Variants in KALRN observed in about 807,000 individuals in gnomAD.
KALRN encodes kalirin.
KALRN carries 70 observed loss-of-function variants against 353.7 expected under a neutral mutation model. The observed-to-expected ratio is 0.20, with a 90% confidence interval of 0.16 to 0.24. The LOEUF (loss-of-function observed/expected upper bound fraction) is 0.24, where lower values mean the gene tolerates loss of function less well. KALRN is among the 10% of genes least tolerant of loss of function. KALRN has a pLI of 1.00. For synonymous variants in KALRN, 1,391 were observed against 1,434.8 expected (o/e 0.97, Z 0.69); for missense variants, 2,791 against 3,756.7 (o/e 0.74, Z 6.72).
chr3:124,233,983 A>G (rs1009956644), intron 2 of KALRN, among the ~76,000 whole-genome samples: 1 of 152,240 alleles, frequency 6.6e-6, no homozygotes, highest in Non-Finnish European at 1.5e-5. Context: ...TAATGAATAC[A>G]TTTTAAAATC....
In KALRN at chr3:124,722,807, A is replaced by C. The variant is rs899631759; in HGVS notation, c.*3337A>C. The C allele has an allele frequency of 6.6e-6, 1 of 152,176 alleles. No individual in the cohort carries two copies. Among genetic ancestry groups the C allele is most frequent in the Non-Finnish European group, 1.5e-5 (1 of 68,034 alleles). The allele number at this position is 152,176 out of a possible 1,614,324, so 9.4% of individuals were successfully genotyped here. A position where few individuals can be genotyped will look rare whatever the true frequency, so the allele number is the denominator to read the frequency against. On this transcript the variant is annotated 3_prime_UTR_variant, in exon 60 of 60. Transcript: ENST00000682506. ...AGTGAACTTTCAGCTGAAATGGGAAAAACAAACAATGGTCAAGGTCACAAG... is the reference window on the plus strand; with the variant it reads ...AGTGAACTTTCAGCTGAAATGGGAACAACAAACAATGGTCAAGGTCACAAG...
intron 57 of KALRN, among the ~76,000 whole-genome samples, chr3:124,711,923 A>G (rs1347062681): frequency 1.3e-5 from 2 of 152,202 alleles, no homozygotes; most frequent in East Asian, 3.8e-4. Flanking sequence ...GAAAGTTTCC[A>G]TAATAAGAAG....
chr3:124,698,160 G>T (rs2062144995), intron 55 of KALRN, among the ~76,000 whole-genome samples: 1 of 152,062 alleles, frequency 6.6e-6, no homozygotes, highest in Non-Finnish European at 1.5e-5. Context: ...GTAGAGACAG[G>T]GTCTCACTAT....
intron 11 of KALRN, among the ~76,000 whole-genome samples, chr3:124,391,590 A>G (rs998914067): frequency 6.6e-6 from 1 of 152,234 alleles, no homozygotes; most frequent in Non-Finnish European, 1.5e-5. Context: ...TCGGAGGGAC[A>G]TACATAGAGG....
At chr3:124,468,603 T>C (rs1416633256) in intron 25 of KALRN, among the ~76,000 whole-genome samples, 1 of 152,214 alleles carries the variant, frequency 6.6e-6, no homozygotes, top group African/African-American at 2.4e-5. Flanking sequence ...ATCATAGAAT[T>C]ATCAAATATA....
At chr3:124,291,393 A>G (rs948485760) in intron 5 of KALRN, among the ~76,000 whole-genome samples, 3 of 152,134 alleles carry the variant, frequency 2.0e-5, no homozygotes, top group Admixed American at 6.5e-5. Context: ...TTTTTTTACC[A>G]TAAGAAACAT....
chr3:124,499,652 T>C (rs2064290392), intron 33 of KALRN, among the ~76,000 whole-genome samples: 2 of 152,230 alleles, frequency 1.3e-5, no homozygotes, highest in South Asian at 4.1e-4. Context: ...AACTTTACTC[T>C]CTTTTCCATC....
intron 25 of KALRN, among the ~76,000 whole-genome samples, chr3:124,469,913 A>G (rs2060720836): frequency 6.6e-6 from 1 of 152,252 alleles, no homozygotes; most frequent in African/African-American, 2.4e-5. Flanking sequence ...ATTTTAGACC[A>G]AATTCATCTT....
intron 18 of KALRN, among the ~76,000 whole-genome samples, chr3:124,439,625 CTATT>C (rs2093609462): frequency 6.6e-6 from 1 of 152,070 alleles, no homozygotes; most frequent in African/African-American, 2.4e-5. Flanking sequence ...TTTGGATGCC[CTATT>C]TATTTATCAA....
chr3:124,180,430 C>G (rs982029135), intron 1 of KALRN, among the ~76,000 whole-genome samples: 2 of 152,138 alleles, frequency 1.3e-5, no homozygotes, highest in Non-Finnish European at 2.9e-5. Context: ...ATAAGCGACT[C>G]CTCTCCCTCT....
intron 1 of KALRN, among the ~76,000 whole-genome samples, chr3:124,177,990 C>T (rs2073021140): frequency 6.6e-6 from 1 of 152,140 alleles, no homozygotes; most frequent in African/African-American, 2.4e-5. Flanking sequence ...GCCACCTGGG[C>T]TGCTCTTTCA....
chr3:124,328,209 G>A (rs775552517), intron 7 of KALRN, among the ~76,000 whole-genome samples: 43 of 152,238 alleles, frequency 2.8e-4, no homozygotes, highest in African/African-American at 9.9e-4. Context: ...TTTTGTCGCC[G>A]TTGTTAAGGT....
At chr3:124,122,521 C>T (rs1394019713) in intron 1 of KALRN, among the ~76,000 whole-genome samples, 2 of 152,226 alleles carry the variant, frequency 1.3e-5, no homozygotes, top group African/African-American at 4.8e-5. Context: ...TATCCAATAG[C>T]ATGTGCTCAC....
At chr3:124,400,617 T>C (rs1180827070) in intron 13 of KALRN, among the ~76,000 whole-genome samples, 1 of 152,192 alleles carries the variant, frequency 6.6e-6, no homozygotes, top group Non-Finnish European at 1.5e-5. Flanking sequence ...GTGAAGAGTG[T>C]ATGTAGTGAA....
chr3:124,696,099 C>G, intron 53 of KALRN, 35 bp from the exon 54 acceptor site: 1 of 1,610,848 alleles, frequency 6.2e-7, no homozygotes, highest in Non-Finnish European at 8.5e-7. Flanking sequence ...TGTCTCATTA[C>G]TGGAGTCTGA....
intron 1 of KALRN, among the ~76,000 whole-genome samples, chr3:124,083,059 T>C (rs1056950481): frequency 1.1e-4 from 16 of 152,260 alleles, no homozygotes; most frequent in African/African-American, 3.4e-4. Flanking sequence ...AGAAACTCTG[T>C]GAGCTCTTGG....
At chr3:124,130,541 A>C (rs894717515) in intron 1 of KALRN, among the ~76,000 whole-genome samples, 3 of 152,128 alleles carry the variant, frequency 2.0e-5, no homozygotes, top group African/African-American at 7.2e-5. Flanking sequence ...TGCTGGTGGG[A>C]GTGTATATTT....
intron 1 of KALRN, among the ~76,000 whole-genome samples, chr3:124,081,308 A>G (rs931973985): frequency 2.0e-5 from 3 of 152,194 alleles, no homozygotes; most frequent in African/African-American, 7.2e-5. Flanking sequence ...ATATCAAGAA[A>G]AAATAAGCTG....
At chr3:124,330,986 T>A (rs1161136973) in intron 8 of KALRN, among the ~76,000 whole-genome samples, 1 of 152,212 alleles carries the variant, frequency 6.6e-6, no homozygotes, top group Non-Finnish European at 1.5e-5. Context: ...TAAGAACCAA[T>A]GGCTCCTAGG....
Sources: gnomAD v4.1 joint callset for allele counts (sites outside exome capture counted in the v4.1 genomes callset) on GRCh38, gnomAD v4.1.1 for gene constraint, MANE v1.5 for transcripts, NCBI Gene and HGNC (gene_info 2026-07-23, HGNC 2026-07-21) for gene names.